Variants in AHRR observed in about 807,000 individuals in gnomAD.
AHRR encodes the protein ahR repressor.
A neutral mutation model predicts 44.0 loss-of-function variants in AHRR; 28 were observed. The ratio of observed to expected loss-of-function variants is 0.64; its 90% CI spans 0.47 to 0.87. The LOEUF (loss-of-function observed/expected upper bound fraction) is 0.87, where lower values mean the gene tolerates loss of function less well. Among genes scored for constraint, AHRR ranks in the 40% least tolerant of loss-of-function variants. The pLI, the probability that AHRR is intolerant of heterozygous loss-of-function variation, is 0.00. For missense variants in AHRR, 990 were observed against 953.9 expected, an observed-to-expected ratio of 1.04 and a Z score of -0.50; for synonymous variants, 434 against 407.0, an observed-to-expected ratio of 1.07 and a Z score of -0.80.
intron 1 of AHRR, among the ~76,000 whole-genome samples, chr5:330,610 G>A (rs1741874968): frequency 1.3e-5 from 2 of 152,268 alleles, no homozygotes; most frequent in Middle Eastern, 6.8e-3. Flanking sequence ...CTGGCCTCAA[G>A]TGATCCACCT....
At position 392,480 on chromosome 5, in the gene AHRR, G is replaced by A. The variant is rs191934346; in HGVS notation, c.351+15764G>A. On this transcript the variant is annotated intron_variant, in intron 4 of 10. Coordinates refer to ENST00000684583, the MANE Select transcript of AHRR (RefSeq NM_001377236.1). The stretch of plus-strand genomic sequence containing the variant: ...AGGCAGGGCCAGAGTGTGCACGGGC[G>A]CAGGGCGAGGTGGGTGCAGATGTGG... 1.6e-3 allele frequency among the ~76,000 whole-genome samples: 243 copies of A among 152,220 alleles called. 2 individuals carry two copies. The highest frequency in any genetic ancestry group is 5.5e-3 in the African/African-American group (228 of 41,508).
chr5:398,711 G>A (rs941754635), intron 4 of AHRR, among the ~76,000 whole-genome samples: 2 of 152,254 alleles, frequency 1.3e-5, no homozygotes, highest in Non-Finnish European at 2.9e-5. Flanking sequence ...CCGACACTGG[G>A]AGGAGGCATT....
chr5:363,729 C>T (rs1351017038), intron 3 of AHRR, among the ~76,000 whole-genome samples: 1 of 152,208 alleles, frequency 6.6e-6, no homozygotes, highest in Non-Finnish European at 1.5e-5. Flanking sequence ...TCGTGAAACC[C>T]CTCTTGGAAT....
chr5:413,237 CT>C, intron 4 of AHRR, 106 bp from the exon 5 acceptor site: 1 of 761,404 alleles, frequency 1.3e-6, no homozygotes. Context: ...TGAATATGGA[CT>C]ACAAAACAGG....
In AHRR at chr5:435,526, A is replaced by T. The variant is rs1475724376; in HGVS notation, c.*692A>T. 1 of 152,460 alleles carries T rather than the reference A, an allele frequency of 6.6e-6. No individual in the cohort carries two copies. Among genetic ancestry groups the T allele is most frequent in the Non-Finnish European group, 1.5e-5 (1 of 68,142 alleles). 9.4% of individuals were successfully genotyped at this position (152,460 alleles called of 1,614,324 possible). A position where few individuals can be genotyped will look rare whatever the true frequency, so the allele number is the denominator to read the frequency against. On this transcript the variant is annotated 3_prime_UTR_variant, in exon 11 of 11. Transcript: ENST00000684583. ...CAGGTGCTCCATGGCGCCATGACAGAGTCTGAGGCCAGACCTGGACTGGAA... is the reference window on the plus strand; with the variant it reads ...CAGGTGCTCCATGGCGCCATGACAGTGTCTGAGGCCAGACCTGGACTGGAA...
At chr5:355,651 C>T (rs997111989) in intron 3 of AHRR, among the ~76,000 whole-genome samples, 2 of 152,254 alleles carry the variant, frequency 1.3e-5, no homozygotes, top group African/African-American at 4.8e-5. Flanking sequence ...CAAGTTTGGA[C>T]ACCTGGCTCT....
chr5:434,574 C>T lies in AHRR; in HGVS notation c.1834C>T (p.His612Tyr), dbSNP rs1208892812. The change falls in exon 11 of 11, where the codon CAC becomes TAC. Residue 612 changes from histidine to tyrosine, a missense_variant. His to Tyr is a moderately conservative substitution (Grantham distance 83, BLOSUM62 2). Coordinates refer to ENST00000684583, the MANE Select transcript of AHRR (RefSeq NM_001377236.1). ...GCGCAGCAGGGAGCTGACCCCTTTC[C>T]ACCCTGCACACTGTGCCTGCCTGGA... ...AGRSRELTPF[H>Y]PAHCACLEPT... The T allele has an allele frequency of 1.3e-6, 2 of 1,582,642 alleles. No homozygotes were observed. Among genetic ancestry groups the T allele is most frequent in the African/African-American group, 1.3e-5 (1 of 74,230 alleles).
chr5:372,701 G>A lies in AHRR; in HGVS notation c.245-3909G>A, dbSNP rs375697271. Among the ~76,000 whole-genome samples the A allele has an allele frequency of 5.9e-3, 893 of 152,264 alleles. 6 individuals carry two copies. The highest frequency in any genetic ancestry group is 0.017 in the South Asian group (80 of 4,818). ...GCACCGCCTCCCCCGCCCCTACCAG[G>A]GAATTGGCTTCAGGGGACTGGGAGC... On this transcript the variant is annotated intron_variant, in intron 3 of 10. Coordinates refer to ENST00000684583, the MANE Select transcript of AHRR (RefSeq NM_001377236.1).
chr5:378,071 T>C (rs1390941362), intron 4 of AHRR, among the ~76,000 whole-genome samples: 1 of 152,248 alleles, frequency 6.6e-6, no homozygotes, highest in African/African-American at 2.4e-5. Flanking sequence ...GGAAGTTTGC[T>C]TAGATTGCAT....
chr5:413,551 G>C (rs1735562952), intron 5 of AHRR, 118 bp downstream of exon 5: 3 of 748,554 alleles, frequency 4.0e-6, no homozygotes, highest in African/African-American at 3.6e-5. Context: ...CTATCACTGA[G>C]CTCTTATCAG....
chr5:344,345 C>A (rs1464997687), intron 2 of AHRR, among the ~76,000 whole-genome samples: 1 of 149,578 alleles, frequency 6.7e-6, no homozygotes, highest in Non-Finnish European at 1.5e-5. Flanking sequence ...TGTGGCACGG[C>A]CGGGTGTGTG....
intron 1 of AHRR, among the ~76,000 whole-genome samples, chr5:327,315 C>T (rs540994435): frequency 3.3e-5 from 5 of 152,222 alleles, no homozygotes; most frequent in South Asian, 4.2e-4. Context: ...GTTTTTAGGG[C>T]GCCCATTACC....
chr5:352,962 G>A (rs189062684), intron 2 of AHRR, among the ~76,000 whole-genome samples: 5 of 152,272 alleles, frequency 3.3e-5, no homozygotes, highest in Non-Finnish European at 7.4e-5. Context: ...GTCACTCTGA[G>A]GTGAGAGGGT....
intron 3 of AHRR, among the ~76,000 whole-genome samples, chr5:373,948 C>T (rs1376370738): frequency 6.6e-6 from 1 of 151,386 alleles, no homozygotes; most frequent in Non-Finnish European, 1.5e-5. Flanking sequence ...TGGGCGGGCG[C>T]CCGCGGGGGG....
chr5:423,591 A>T (rs537960350), intron 6 of AHRR, among the ~76,000 whole-genome samples: 1 of 152,354 alleles, frequency 6.6e-6, no homozygotes, highest in South Asian at 2.1e-4. Context: ...CTGTAAAGCT[A>T]AAAACAAGCA....
rs894293958 is a variant in AHRR at position 434,510 on chromosome 5, C to T, written c.1770C>T (p.Gly590=). Residue 590 remains glycine, a synonymous_variant, in exon 11 of 11, where the codon GGC becomes GGT. Transcript: ENST00000684583. ...QQVYISHLGH[G]VRGAQPHGRA... is the part of the protein sequence containing the mutation. Reference sequence around the variant, plus strand: ...TGTACATCTCGCACCTGGGGCACGGCGTGCGGGGGGCTCAGCCCCATGGGA... The same window carrying T: ...TGTACATCTCGCACCTGGGGCACGGTGTGCGGGGGGCTCAGCCCCATGGGA... 9 of 1,612,510 alleles carry T rather than the reference C, an allele frequency of 5.6e-6. No individual in the cohort carries two copies. Among genetic ancestry groups the T allele is most frequent in the South Asian group, 3.3e-5 (3 of 90,960 alleles).
intron 7 of AHRR, chr5:427,594 G>A (rs750006208): frequency 6.2e-7 from 1 of 1,608,918 alleles, no homozygotes; most frequent in Non-Finnish European, 8.5e-7. Context: ...TGGGAGTGGG[G>A]GATGGTTTCA....
intron 5 of AHRR, among the ~76,000 whole-genome samples, chr5:420,234 T>C (rs1322901531): frequency 6.6e-6 from 1 of 152,218 alleles, no homozygotes; most frequent in Admixed American, 6.5e-5. Context: ...AGCTGTGAAG[T>C]CCTGGATTTG....
intron 3 of AHRR, among the ~76,000 whole-genome samples, chr5:363,690 A>C (rs1743258690): frequency 6.6e-6 from 1 of 152,240 alleles, no homozygotes; most frequent in Non-Finnish European, 1.5e-5. Flanking sequence ...CACCAGCCTC[A>C]GAAGGCACAC....
Sources: allele counts gnomAD v4.1 joint callset (sites outside exome capture counted in the v4.1 genomes callset), GRCh38; gene constraint gnomAD v4.1.1; transcripts MANE v1.5; gene names NCBI Gene and HGNC (gene_info 2026-07-23, HGNC 2026-07-21).